The following SYNDIG1L variants were observed in gnomAD, a reference collection of about 807,000 sequenced individuals.
The protein encoded by SYNDIG1L is synapse differentiation inducing 1 like, also known as synapse differentiation-inducing gene protein 1-like.
SYNDIG1L carries 13 observed loss-of-function variants against 20.1 expected under a neutral mutation model. That is an observed-to-expected ratio of 0.65 (90% CI 0.42 to 1.03). The LOEUF is 1.03. Ranked by LOEUF, SYNDIG1L falls within the 50% of genes least tolerant of loss-of-function variation. The probability of loss-of-function intolerance (pLI) is 0.00; values close to 1 mark genes in which losing one functional copy is unlikely to be tolerated. For missense variants in SYNDIG1L, 294 were observed against 305.1 expected, an observed-to-expected ratio of 0.96 and a Z score of 0.27; for synonymous variants, 128 against 129.3, an observed-to-expected ratio of 0.99 and a Z score of 0.07.
At chr14:74,479,097 T>A in the SYNDIG1L span, 1 of 152,152 alleles carries the variant, frequency 6.6e-6, no homozygotes, top group African/African-American at 2.4e-5. Context: ...GGACTGTCAC[T>A]CTAGACTCAA....
chr14:74,476,943 C>A, the SYNDIG1L span, among the ~76,000 whole-genome samples: 3 of 152,008 alleles, frequency 2.0e-5, no homozygotes, highest in African/African-American at 7.2e-5. Flanking sequence ...CAAAATGACT[C>A]AAATCCTTCA....
chr14:74,451,008 G>C, the SYNDIG1L span, among the ~76,000 whole-genome samples: 2 of 152,162 alleles, frequency 1.3e-5, no homozygotes, highest in African/African-American at 4.8e-5. Context: ...CCCCCAGATT[G>C]ATCTATGGAT....
the SYNDIG1L span, among the ~76,000 whole-genome samples, chr14:74,453,129 C>T: frequency 6.6e-6 from 1 of 151,650 alleles, no homozygotes; most frequent in Middle Eastern, 3.4e-3. Context: ...GGTGGATCAC[C>T]TAAGGTCAGG....
chr14:74,445,702 C>T, the SYNDIG1L span, among the ~76,000 whole-genome samples: 2 of 152,164 alleles, frequency 1.3e-5, no homozygotes, highest in African/African-American at 4.8e-5. Context: ...ATCTTGAACT[C>T]CTGATCTCAA....
At chr14:74,426,475 C>T (rs1039293883), upstream of SYNDIG1L, among the ~76,000 whole-genome samples, 2 of 152,148 alleles carry the variant, frequency 1.3e-5, no homozygotes, top group African/African-American at 2.4e-5. Flanking sequence ...CCGCGCACCC[C>T]AGAGCGATGG....
chr14:74,467,239 T>G, the SYNDIG1L span, among the ~76,000 whole-genome samples: 1 of 152,172 alleles, frequency 6.6e-6, no homozygotes, highest in Non-Finnish European at 1.5e-5. Context: ...AGTGCTGGGA[T>G]TACGGGTGTG....
chr14:74,461,155 C>T, the SYNDIG1L span, among the ~76,000 whole-genome samples: 8 of 152,058 alleles, frequency 5.3e-5, no homozygotes, highest in Admixed American at 3.3e-4. Flanking sequence ...TCCATGTTGG[C>T]CAGGCTGGTC....
the SYNDIG1L span, among the ~76,000 whole-genome samples, chr14:74,436,003 T>TCACTGAGAGC: frequency 5.9e-5 from 9 of 152,156 alleles, no homozygotes; most frequent in Non-Finnish European, 1.2e-4. Flanking sequence ...AAACCCATTA[T>TCACTGAGAGC]CACTGAGAGC....
At chr14:74,457,400 C>T in the SYNDIG1L span, among the ~76,000 whole-genome samples, 1 of 152,050 alleles carries the variant, frequency 6.6e-6, no homozygotes, top group Admixed American at 6.6e-5. Context: ...TGAGGAGAAA[C>T]AGCAGCTCCT....
At chr14:74,421,402 G>A (rs1337908395) in intron 1 of SYNDIG1L, among the ~76,000 whole-genome samples, 1 of 152,016 alleles carries the variant, frequency 6.6e-6, no homozygotes, top group Non-Finnish European at 1.5e-5. Flanking sequence ...ATGAAGGAGA[G>A]TCCCAGGAGG....
chr14:74,478,706 T>C, the SYNDIG1L span, among the ~76,000 whole-genome samples: 1 of 152,214 alleles, frequency 6.6e-6, no homozygotes, highest in Non-Finnish European at 1.5e-5. Context: ...GATAGCCTCA[T>C]CCTTCTGAGG....
At chr14:74,461,816 C>T in the SYNDIG1L span, among the ~76,000 whole-genome samples, 1 of 148,560 alleles carries the variant, frequency 6.7e-6, no homozygotes, top group Non-Finnish European at 1.5e-5. Flanking sequence ...TGCAGTGGCT[C>T]ATGTCTGTAA....
the SYNDIG1L span, among the ~76,000 whole-genome samples, chr14:74,456,373 C>A: frequency 6.6e-6 from 1 of 151,930 alleles, no homozygotes; most frequent in Non-Finnish European, 1.5e-5. Flanking sequence ...CTACTAAATA[C>A]AAAAAAATTT....
the SYNDIG1L span, among the ~76,000 whole-genome samples, chr14:74,457,226 C>T: frequency 3.9e-5 from 6 of 152,074 alleles, no homozygotes; most frequent in African/African-American, 9.7e-5. Flanking sequence ...CCCCACTTGC[C>T]TCCTCCATCC....
chr14:74,430,096 C>T (rs1294399946), upstream of SYNDIG1L, among the ~76,000 whole-genome samples: 2 of 152,198 alleles, frequency 1.3e-5, no homozygotes, highest in African/African-American at 2.4e-5. Flanking sequence ...GCCAGGCACA[C>T]ACTCACTCAA....
At chr14:74,415,277 G>C (rs931461985) in intron 1 of SYNDIG1L, among the ~76,000 whole-genome samples, 2 of 152,166 alleles carry the variant, frequency 1.3e-5, no homozygotes, top group Non-Finnish European at 2.9e-5. Context: ...CGCCAGAAGC[G>C]AAAGTTGTCT....
chr14:74,436,764 C>T, the SYNDIG1L span, among the ~76,000 whole-genome samples: 8 of 150,620 alleles, frequency 5.3e-5, no homozygotes, highest in Non-Finnish European at 7.4e-5. Flanking sequence ...GCAGGAAAAT[C>T]GCTTGAACCT....
At position 74,406,784 on chromosome 14, in the gene SYNDIG1L, AAG is replaced by A. The variant is rs1228966181; in HGVS notation, c.*749_*750del. On this transcript the variant is annotated 3_prime_UTR_variant, in exon 4 of 4. Coordinates refer to ENST00000331628, the MANE Select transcript of SYNDIG1L (RefSeq NM_001105579.2). ...GGGCGGGGAGTGGGGGGAGAGTAGG[AAG>A]AGTCATGTAGTACAGCAATATTTCA... is the stretch of plus-strand genomic sequence containing the variant. 6.6e-6 allele frequency: 1 copy of A among 152,252 alleles called. No individual in the cohort carries two copies. Among genetic ancestry groups the A allele is most frequent in the Admixed American group, 6.5e-5 (1 of 15,272 alleles). The allele number at this position is 152,252 out of a possible 1,614,324, so 9.4% of individuals were successfully genotyped here.
the SYNDIG1L span, among the ~76,000 whole-genome samples, chr14:74,435,001 T>TG: frequency 2.3e-5 from 3 of 130,016 alleles, no homozygotes; most frequent in Non-Finnish European, 4.6e-5. Context: ...GAGAATGGAG[T>TG]GAACCCAGGA....
Sources: allele counts gnomAD v4.1 joint callset (sites outside exome capture counted in the v4.1 genomes callset), GRCh38; gene constraint gnomAD v4.1.1; transcripts MANE v1.5; gene names NCBI Gene and HGNC (gene_info 2026-07-23, HGNC 2026-07-21).